The following TENM1 variants were observed in gnomAD, a reference collection of about 807,000 sequenced individuals.
The protein encoded by TENM1 is teneurin-1.
Under a neutral mutation model 174.8 loss-of-function variants are expected in TENM1, and 35 were observed. The observed-to-expected ratio is 0.20, with a 90% confidence interval of 0.15 to 0.27. The LOEUF (loss-of-function observed/expected upper bound fraction) is 0.27, where lower values mean the gene tolerates loss of function less well. Among genes scored for constraint, TENM1 ranks in the 10% least tolerant of loss-of-function variants. The pLI is 1.00. For synonymous variants in TENM1, 781 were observed against 798.7 expected, an observed-to-expected ratio of 0.98 and a Z score of 0.37; for missense variants, 1,633 against 2,130.1, an observed-to-expected ratio of 0.77 and a Z score of 4.59.
chrX:124,422,725 G>T, intron 23 of TENM1, 87 bp from the exon 27 acceptor site: 1 of 957,726 alleles, frequency 1.0e-6, no homozygotes, highest in Non-Finnish European at 1.4e-6. Flanking sequence ...AAAAATTGGT[G>T]TATTGTTTCC....
At chrX:124,404,477 A>T (rs112542277) in intron 27 of TENM1, among the ~76,000 whole-genome samples, 15,778 of 111,394 alleles carry the variant, frequency 0.14, 988 homozygotes, top group Non-Finnish European at 0.19. Context: ...GGCAGCTCTG[A>T]GTACCTCAGC....
At chrX:124,919,199 A>G (rs138605403) in intron 1 of TENM1, among the ~76,000 whole-genome samples, 245 of 112,019 alleles carry the variant, frequency 2.2e-3, no homozygotes, top group African/African-American at 7.6e-3. Context: ...TGATTTGTCT[A>G]TTTATTTCGC....
intron 11 of TENM1, among the ~76,000 whole-genome samples, chrX:124,628,757 T>C (rs773786585): frequency 1.8e-5 from 2 of 112,265 alleles, no homozygotes; most frequent in South Asian, 3.7e-4. Flanking sequence ...TGCACATGAC[T>C]TCCTTAAATA....
intron 3 of TENM1, among the ~76,000 whole-genome samples, chrX:124,841,131 A>G (rs1210895374): frequency 8.9e-6 from 1 of 111,774 alleles, no homozygotes; most frequent in Non-Finnish European, 1.9e-5. Flanking sequence ...GTAACTCGAT[A>G]CTTTTTACTA....
intron 3 of TENM1, among the ~76,000 whole-genome samples, chrX:124,858,111 C>T (rs746167719): frequency 1.8e-5 from 2 of 111,955 alleles, no homozygotes; most frequent in Non-Finnish European, 3.8e-5. Flanking sequence ...ATGAACTTCT[C>T]AAGGTCAAGG....
chrX:124,451,447 AC>A (rs1300175541), intron 23 of TENM1, among the ~76,000 whole-genome samples: 1 of 112,081 alleles, frequency 8.9e-6, no homozygotes, highest in Non-Finnish European at 1.9e-5. Context: ...GTCTAAAGAG[AC>A]TTCGTAGTCA....
chrX:124,790,623 GAAC>G (rs758564847), intron 3 of TENM1, among the ~76,000 whole-genome samples: 178 of 111,823 alleles, frequency 1.6e-3, no homozygotes, highest in African/African-American at 5.6e-3. Context: ...TGGAAAAGAG[GAAC>G]ATCAAAGACT....
chrX:124,595,752 T>TAAAG (rs200094678), intron 11 of TENM1, among the ~76,000 whole-genome samples: 1 of 110,749 alleles, frequency 9.0e-6, no homozygotes, highest in African/African-American at 3.3e-5. Context: ...GTATATAAAA[T>TAAAG]AAATCATCTT....
At chrX:124,531,452 T>C (rs1419407207) in intron 15 of TENM1, among the ~76,000 whole-genome samples, 2 of 111,664 alleles carry the variant, frequency 1.8e-5, no homozygotes, top group African/African-American at 6.5e-5. Flanking sequence ...ATCAGAGGAA[T>C]TGGTTATAAG....
chrX:124,679,774 G>A (rs977096608), intron 5 of TENM1, among the ~76,000 whole-genome samples: 10 of 111,571 alleles, frequency 9.0e-5, no homozygotes, highest in African/African-American at 3.2e-4. Flanking sequence ...AAGAAGTAAT[G>A]CATGTTTATT....
At chrX:124,645,979 T>C (rs1376471739) in intron 9 of TENM1, among the ~76,000 whole-genome samples, 1 of 111,830 alleles carries the variant, frequency 8.9e-6, no homozygotes, top group Admixed American at 9.6e-5. Context: ...AGCAAGTGTT[T>C]TAGAATTCGC....
At chrX:124,939,971 A>G (rs2058301915) in intron 1 of TENM1, among the ~76,000 whole-genome samples, 1 of 112,029 alleles carries the variant, frequency 8.9e-6, no homozygotes, top group Non-Finnish European at 1.9e-5. Flanking sequence ...TTACTAGAGT[A>G]TAAGCTCTTA....
Position 124,583,732 on chromosome X carries a change from T to C in TENM1, c.2078-18172A>G, listed in dbSNP as rs772815033. On this transcript the variant is annotated intron_variant, in intron 11 of 31. Transcript: ENST00000422452. Reference sequence around the variant, plus strand: ...AGAAGAAGGCTTCAGACGATCAAACTACTCCGAGCTACAGGAGGAAATTAA... The same window carrying C: ...AGAAGAAGGCTTCAGACGATCAAACCACTCCGAGCTACAGGAGGAAATTAA... Among the ~76,000 whole-genome samples, 178 of 111,743 alleles carry C rather than the reference T, an allele frequency of 1.6e-3. 1 individual carries two copies. The highest frequency in any genetic ancestry group is 5.5e-3 in the African/African-American group (171 of 30,816).
chrX:125,092,073 T>C, the TENM1 span, among the ~76,000 whole-genome samples: 2 of 104,554 alleles, frequency 1.9e-5, no homozygotes, highest in Non-Finnish European at 3.9e-5. Context: ...ATGTTTTGAA[T>C]AGAAAAATAC....
chrX:125,034,916 C>A, the TENM1 span, among the ~76,000 whole-genome samples: 1 of 111,462 alleles, frequency 9.0e-6, no homozygotes, highest in Non-Finnish European at 1.9e-5. Context: ...TATAGGCCCA[C>A]CATTAGATGT....
chrX:124,996,317 C>G, the TENM1 span, among the ~76,000 whole-genome samples: 229 of 110,741 alleles, frequency 2.1e-3, 1 homozygote, highest in African/African-American at 7.2e-3. Flanking sequence ...TGAGGTTGCC[C>G]TATGTTAGCA....
At chrX:125,098,382 A>T in the TENM1 span, among the ~76,000 whole-genome samples, 1 of 112,393 alleles carries the variant, frequency 8.9e-6, no homozygotes, top group African/African-American at 3.2e-5. Flanking sequence ...GTTGAGTGGG[A>T]GAATAAATTA....
intron 3 of TENM1, among the ~76,000 whole-genome samples, chrX:124,814,333 C>T (rs2147274753): frequency 9.0e-6 from 1 of 111,665 alleles, no homozygotes; most frequent in East Asian, 2.8e-4. Flanking sequence ...TTATCGTCAT[C>T]ACCATTATTA....
At chrX:124,902,876 T>A (rs1181503401) in intron 1 of TENM1, among the ~76,000 whole-genome samples, 1 of 112,661 alleles carries the variant, frequency 8.9e-6, no homozygotes, top group Admixed American at 9.4e-5. Flanking sequence ...TACTAGGCAG[T>A]GAGCAGAGTG....
Sources: gnomAD v4.1 joint callset for allele counts (sites outside exome capture counted in the v4.1 genomes callset) on GRCh38, gnomAD v4.1.1 for gene constraint, MANE v1.5 for transcripts, NCBI Gene and HGNC (gene_info 2026-07-23, HGNC 2026-07-21) for gene names.